MPPE1: variants seen among roughly 807,000 people sequenced by gnomAD.
MPPE1 encodes metallo phosphoesterase.
MPPE1 carries 28 observed loss-of-function variants against 43.8 expected under a neutral mutation model. The observed-to-expected ratio is 0.64, with a 90% CI of 0.47 to 0.88. The LOEUF (loss-of-function observed/expected upper bound fraction) is 0.88. Among genes scored for constraint, MPPE1 ranks in the 40% least tolerant of loss-of-function variants. The pLI, the probability that MPPE1 is intolerant of heterozygous loss-of-function variation, is 0.00. For missense variants in MPPE1, 428 were observed against 492.2 expected (o/e 0.87, Z 1.23); for synonymous variants, 159 against 188.5 (o/e 0.84, Z 1.28).
intron 3 of MPPE1, among the ~76,000 whole-genome samples, chr18:11,894,078 A>G (rs1229411494): frequency 2.0e-5 from 3 of 152,196 alleles, no homozygotes; most frequent in Admixed American, 6.5e-5. Context: ...CAAAACAGGA[A>G]ATCCTGGAGA....
Position 11,899,774 on chromosome 18 carries a change from A to T in MPPE1, c.-92-2418T>A, listed in dbSNP as rs575317851. 5.3e-5 allele frequency among the ~76,000 whole-genome samples: 8 copies of T among 152,340 alleles called. No individual in the cohort carries two copies. The South Asian group carries it at 1.7e-3, about 32-fold the overall frequency. On this transcript the variant is annotated intron_variant, in intron 2 of 10. Coordinates refer to ENST00000588072, the MANE Select transcript of MPPE1 (RefSeq NM_023075.6). ...TAAAAAAATAAAGTCCCTTTCTAGGAAGATGATTTTCTAACATGAATCTAG... is the reference window on the plus strand; with the variant it reads ...TAAAAAAATAAAGTCCCTTTCTAGGTAGATGATTTTCTAACATGAATCTAG...
Position 11,884,397 on chromosome 18 carries a change from C to G in MPPE1, c.*48G>C, listed in dbSNP as rs150371760. ...CACTTGATTCTAACATGATCTCTGC[C>G]CAAAGTTCCATTTCTTGGGCTTTGA... is the stretch of plus-strand genomic sequence containing the variant. On this transcript the variant is annotated 3_prime_UTR_variant, in exon 11 of 11. Coordinates refer to ENST00000588072, the MANE Select transcript of MPPE1 (RefSeq NM_023075.6). The G allele has an allele frequency of 7.7e-4, 1,222 of 1,582,392 alleles. 7 individuals are homozygous for G. The African/African-American group carries it at 0.015, about 19-fold the overall frequency.
chr18:11,897,387 T>A, intron 2 of MPPE1, 31 bp from the exon 3 acceptor site: 1 of 905,436 alleles, frequency 1.1e-6, no homozygotes, highest in Non-Finnish European at 1.7e-6. Flanking sequence ...TTCAGTTATG[T>A]TCCCTAATAA....
At chr18:11,904,312 TTTA>T (rs141863826) in intron 2 of MPPE1, among the ~76,000 whole-genome samples, 14 of 102,680 alleles carry the variant, frequency 1.4e-4, no homozygotes, top group South Asian at 7.5e-4. Context: ...ATCTTTTTTA[TTTA>T]TTTATTTATT....
intron 6 of MPPE1, among the ~76,000 whole-genome samples, chr18:11,888,061 ATAGAG>A (rs1215668218): frequency 2.6e-5 from 4 of 152,210 alleles, no homozygotes; most frequent in Non-Finnish European, 5.9e-5. Context: ...TATAATCAGT[ATAGAG>A]TATAGAGTCC....
chr18:11,885,394 C>T, intron 10 of MPPE1: 2 of 421,460 alleles, frequency 4.7e-6, no homozygotes, highest in African/African-American at 2.0e-5. Context: ...ATTAAACACA[C>T]ACAGAGTGTA....
chr18:11,908,303 G>A lies in MPPE1; in HGVS notation c.-302C>T, dbSNP rs574812354. 2 of 152,398 alleles carry A rather than the reference G, an allele frequency of 1.3e-5. No individual in the cohort carries two copies. Among genetic ancestry groups the A allele is most frequent in the Admixed American group, 6.5e-5 (1 of 15,304 alleles). The allele number at this position is 152,398 out of a possible 1,614,324, so 9.4% of individuals were successfully genotyped here. The stretch of plus-strand genomic sequence containing the variant: ...GGGCAGGGTGGCTTCGGTGGCCGAG[G>A]GACCCGGGAACTGCAGCCGGAGCCG... On this transcript the variant is annotated 5_prime_UTR_variant, in exon 1 of 11. Coordinates refer to ENST00000588072, the MANE Select transcript of MPPE1 (RefSeq NM_023075.6).
At chr18:11,891,715 G>A (rs1306600790) in intron 4 of MPPE1, among the ~76,000 whole-genome samples, 1 of 152,182 alleles carries the variant, frequency 6.6e-6, no homozygotes, top group East Asian at 1.9e-4. Context: ...CTCTTGTGCA[G>A]CTATTGAATT....
chr18:11,884,779 C>A, intron 10 of MPPE1, 152 bp from the exon 11 acceptor site: 2 of 1,343,212 alleles, frequency 1.5e-6, no homozygotes, highest in Non-Finnish European at 2.0e-6. Context: ...GGGGGCCCAG[C>A]CTTCTCCCTG....
At chr18:11,891,809 T>A (rs1231780236) in intron 4 of MPPE1, among the ~76,000 whole-genome samples, 1 of 152,140 alleles carries the variant, frequency 6.6e-6, no homozygotes, top group African/African-American at 2.4e-5. Context: ...GGGTTGTTTG[T>A]CTTCCTTGAT....
chr18:11,894,431 CAAAAAAA>C (rs66687820), intron 3 of MPPE1, among the ~76,000 whole-genome samples: 3,871 of 65,270 alleles, frequency 0.059, 88 homozygotes, highest in Middle Eastern at 0.15. Context: ...GACTCCATCT[CAAAAAAA>C]AAAAAAAAAA....
intron 6 of MPPE1, among the ~76,000 whole-genome samples, chr18:11,887,480 A>C (rs2037465292): frequency 6.6e-6 from 1 of 152,202 alleles, no homozygotes; most frequent in South Asian, 2.1e-4. Context: ...TGTGACTAAC[A>C]GGTAGAGGGA....
At chr18:11,897,433 T>C in intron 2 of MPPE1, 77 bp from the exon 3 acceptor site, 1 of 621,790 alleles carries the variant, frequency 1.6e-6, no homozygotes. Flanking sequence ...TAAGAACTAA[T>C]GAGTTACATA....
intron 1 of MPPE1, 128 bp downstream of exon 1, chr18:11,908,073 T>A (rs1385892324): frequency 6.6e-6 from 1 of 152,138 alleles, no homozygotes; most frequent in Non-Finnish European, 1.5e-5. Context: ...GGGCCTTAAG[T>A]CACCGAGATT....
chr18:11,883,456 A>C lies in MPPE1; in HGVS notation c.*989T>G, dbSNP rs2036769276. ...CAACAGCCAGACTGTTAAGAAAAAA[A>C]ACAAAAAGAATAACTTTTATCTGGC... On this transcript the variant is annotated 3_prime_UTR_variant, in exon 11 of 11. Coordinates refer to ENST00000588072, the MANE Select transcript of MPPE1 (RefSeq NM_023075.6). 1 of 153,420 alleles carries C rather than the reference A, an allele frequency of 6.5e-6. No individual in the cohort carries two copies. Among genetic ancestry groups the C allele is most frequent in the Non-Finnish European group, 1.5e-5 (1 of 68,040 alleles). The allele number at this position is 153,420 out of a possible 1,614,324, so 9.5% of individuals were successfully genotyped here.
At chr18:11,903,728 C>T (rs1213003782) in intron 2 of MPPE1, among the ~76,000 whole-genome samples, 1 of 152,178 alleles carries the variant, frequency 6.6e-6, no homozygotes, top group Non-Finnish European at 1.5e-5. Flanking sequence ...ATGGCGTGAA[C>T]CCAGGAGGCG....
chr18:11,900,498 C>G (rs2039032690), intron 2 of MPPE1, among the ~76,000 whole-genome samples: 1 of 151,852 alleles, frequency 6.6e-6, no homozygotes. Flanking sequence ...AAGAGCAAAA[C>G]TCCATCTCAA....
intron 6 of MPPE1, among the ~76,000 whole-genome samples, chr18:11,888,166 T>C (rs1274800392): frequency 1.3e-5 from 2 of 152,188 alleles, no homozygotes; most frequent in African/African-American, 4.8e-5. Flanking sequence ...CTGCTCATGG[T>C]CAGGCTAAGG....
At position 11,901,282 on chromosome 18, in the gene MPPE1, G is replaced by A. The variant is rs140925444; in HGVS notation, c.-92-3926C>T. Reference sequence around the variant, plus strand: ...TTTCTCTCCCATCACCCAGGCTGGAGTGCAGTGGTGTGCTCTCAGCTCACT... The same window carrying A: ...TTTCTCTCCCATCACCCAGGCTGGAATGCAGTGGTGTGCTCTCAGCTCACT... On this transcript the variant is annotated intron_variant, in intron 2 of 10. Transcript: ENST00000588072. Among the ~76,000 whole-genome samples the A allele has an allele frequency of 2.1e-3, 317 of 151,944 alleles. 3 individuals carry two copies. The highest frequency in any genetic ancestry group is 7.3e-3 in the African/African-American group (303 of 41,454).
Sources: allele counts gnomAD v4.1 joint callset (sites outside exome capture counted in the v4.1 genomes callset), GRCh38; gene constraint gnomAD v4.1.1; transcripts MANE v1.5; gene names NCBI Gene and HGNC (gene_info 2026-07-23, HGNC 2026-07-21).